SULT6B1: variants seen among roughly 807,000 people sequenced by gnomAD.
SULT6B1 encodes sulfotransferase family 6B member 1, also known as sulfotransferase 6B1.
A neutral mutation model predicts 37.2 loss-of-function variants in SULT6B1; 44 were observed. The observed-to-expected ratio is 1.18, with a 90% CI of 0.93 to 1.52. The LOEUF is 1.52. SULT6B1 is among the 40% of genes most tolerant of loss of function. The pLI is 0.00. For synonymous variants in SULT6B1, 140 were observed against 126.0 expected, an observed-to-expected ratio of 1.11 and a Z score of -0.74; for missense variants, 450 against 361.0, an observed-to-expected ratio of 1.25 and a Z score of -2.00.
At chr2:37,191,626 C>T (rs1438699608), upstream of SULT6B1, among the ~76,000 whole-genome samples, 1 of 152,178 alleles carries the variant, frequency 6.6e-6, no homozygotes, top group Non-Finnish European at 1.5e-5. Context: ...GTGAGAAGGG[C>T]AGAGAAGAGT....
At chr2:37,170,610 A>G (rs916740437) in intron 6 of SULT6B1, among the ~76,000 whole-genome samples, 4 of 151,728 alleles carry the variant, frequency 2.6e-5, no homozygotes, top group Non-Finnish European at 4.4e-5. Flanking sequence ...CTCTATTAAA[A>G]ATACAAAAAA....
At chr2:37,188,018 AT>A (rs1459888330) in intron 1 of SULT6B1, among the ~76,000 whole-genome samples, 1 of 152,212 alleles carries the variant, frequency 6.6e-6, no homozygotes, top group African/African-American at 2.4e-5. Context: ...TGATGGAGCA[AT>A]ATTTGATCCT....
Position 37,194,851 on chromosome 2 carries a change from T to TCCTC in SULT6B1, c.-22+1661_-22+1664dup, listed in dbSNP as rs201487451. 4.4e-3 allele frequency: 418 copies of TCCTC among 94,336 alleles called. 16 individuals are homozygous for TCCTC. The highest frequency in any genetic ancestry group is 0.011 in the Middle Eastern group (2 of 184). 5.8% of individuals were successfully genotyped at this position (94,336 alleles called of 1,614,324 possible). On this transcript the variant is annotated intron_variant, in intron 1 of 7. Coordinates refer to the SULT6B1 transcript ENST00000407963. Reference sequence around the variant, plus strand: ...TGACCTTTTCTTCTTTCTCCTTCCTTCCTCCCTCCCTCCCTCCCTCCCTCC... The same window carrying TCCTC: ...TGACCTTTTCTTCTTTCTCCTTCCTTCCTCCCTCCCTCCCTCCCTCCCTCCCTCC...
At chr2:37,177,411 C>CAAA (rs57205863) in intron 4 of SULT6B1, among the ~76,000 whole-genome samples, 332 of 75,412 alleles carry the variant, frequency 4.4e-3, no homozygotes, top group East Asian at 7.2e-3. Flanking sequence ...AATCTTGTCT[C>CAAA]AAAAAAAAAA....
intron 6 of SULT6B1, among the ~76,000 whole-genome samples, chr2:37,169,107 A>G (rs1339154955): frequency 2.6e-5 from 4 of 152,190 alleles, no homozygotes; most frequent in Admixed American, 2.6e-4. Flanking sequence ...TGAATTTTCT[A>G]CAGGGAATAT....
chr2:37,186,845 A>G (rs1346546495), intron 2 of SULT6B1, among the ~76,000 whole-genome samples: 1 of 152,182 alleles, frequency 6.6e-6, no homozygotes, highest in Non-Finnish European at 1.5e-5. Context: ...GCAGTGAGCC[A>G]TGATCACACC....
chr2:37,181,939 A>G (rs1037624327), intron 3 of SULT6B1, among the ~76,000 whole-genome samples: 4 of 152,198 alleles, frequency 2.6e-5, no homozygotes, highest in Non-Finnish European at 5.9e-5. Context: ...GGAGATCTTT[A>G]TCATTGGAGG....
upstream of SULT6B1, among the ~76,000 whole-genome samples, chr2:37,190,336 C>A (rs1411243439): frequency 1.3e-5 from 2 of 152,120 alleles, no homozygotes; most frequent in Non-Finnish European, 1.5e-5. Context: ...ATTTACCTTT[C>A]TCTTAACCAA....
intron 1 of SULT6B1, chr2:37,194,571 T>C (rs965472722): frequency 2.7e-6 from 1 of 370,952 alleles, no homozygotes; most frequent in Non-Finnish European, 5.3e-6. Flanking sequence ...GGAGTTCCCA[T>C]CTCCTTCATT....
In SULT6B1 at chr2:37,188,450, G is replaced by T; in HGVS notation, c.191C>A (p.Pro64Gln). The change falls in exon 1 of 7, where the codon CCA (proline) becomes CAA (glutamine). Residue 64 changes from proline to glutamine, a missense_variant. Coordinates refer to ENST00000535679, the MANE Select transcript of SULT6B1 (RefSeq NM_001367551.1). ...RHDDIVLASY[P>Q]KCGSNWILHI... ...AACGACTTGTCATTTACCGCACTTT[G>T]GATAAGATGCTAGCACGATGTCATC... is the stretch of plus-strand genomic sequence containing the variant. The T allele has an allele frequency of 6.2e-7, 1 of 1,613,108 alleles. No homozygotes were observed. Among genetic ancestry groups the T allele is most frequent in the Non-Finnish European group, 8.5e-7 (1 of 1,179,580 alleles).
chr2:37,192,806 TAGG>T, upstream of SULT6B1, among the ~76,000 whole-genome samples: 1 of 152,334 alleles, frequency 6.6e-6, no homozygotes, highest in East Asian at 1.9e-4. Flanking sequence ...CCTGTAATTA[TAGG>T]AGGATTTAGG....
chr2:37,178,290 T>C (rs139653036), intron 4 of SULT6B1, among the ~76,000 whole-genome samples: 5 of 152,104 alleles, frequency 3.3e-5, no homozygotes, highest in Non-Finnish European at 7.4e-5. Flanking sequence ...CAGGCTGGAG[T>C]GCAGTTGATC....
At chr2:37,190,960 T>C (rs1013969149), upstream of SULT6B1, among the ~76,000 whole-genome samples, 1 of 151,998 alleles carries the variant, frequency 6.6e-6, no homozygotes, top group African/African-American at 2.4e-5. Context: ...AGAAAACAAT[T>C]AGATAAACAT....
intron 5 of SULT6B1, among the ~76,000 whole-genome samples, chr2:37,172,916 A>C (rs1039633121): frequency 1.2e-4 from 17 of 144,692 alleles, no homozygotes; most frequent in Admixed American, 3.5e-4. Flanking sequence ...GCAATGGCAC[A>C]ATATCAGCTC....
upstream of SULT6B1, among the ~76,000 whole-genome samples, chr2:37,189,563 G>A (rs933649749): frequency 6.6e-6 from 1 of 152,152 alleles, no homozygotes; most frequent in African/African-American, 2.4e-5. Context: ...AGGGTGGGCT[G>A]CCCTCCTTAC....
intron 1 of SULT6B1, among the ~76,000 whole-genome samples, chr2:37,193,938 A>G (rs540717694): frequency 6.6e-6 from 1 of 152,334 alleles, no homozygotes; most frequent in East Asian, 1.9e-4. Flanking sequence ...TGGAGTCTAC[A>G]CTTTTCCTGC....
At chr2:37,187,238 G>A (rs1676693733) in intron 2 of SULT6B1, 117 bp downstream of exon 2, 2 of 671,760 alleles carry the variant, frequency 3.0e-6, no homozygotes, top group South Asian at 3.7e-5. Flanking sequence ...TAAGCACACA[G>A]TAAATTGTGG....
At chr2:37,191,772 G>A (rs1212403862), upstream of SULT6B1, among the ~76,000 whole-genome samples, 3 of 152,200 alleles carry the variant, frequency 2.0e-5, no homozygotes, top group African/African-American at 7.2e-5. Flanking sequence ...ACCCTTCACT[G>A]GTGTAGGGCA....
chr2:37,183,798 C>A (rs1234426369), intron 2 of SULT6B1, among the ~76,000 whole-genome samples: 4 of 152,166 alleles, frequency 2.6e-5, no homozygotes, highest in African/African-American at 4.8e-5. Flanking sequence ...TATCTACCAC[C>A]ATGCCCAGTT....
Sources: allele counts gnomAD v4.1 joint callset (sites outside exome capture counted in the v4.1 genomes callset), GRCh38; gene constraint gnomAD v4.1.1; transcripts MANE v1.5; gene names NCBI Gene and HGNC (gene_info 2026-07-23, HGNC 2026-07-21).